PCDHGB7: variants seen among roughly 807,000 people sequenced by gnomAD.
The protein encoded by PCDHGB7 is protocadherin gamma subfamily B, 7, also known as protocadherin gamma-B7.
PCDHGB7 carries 37 observed loss-of-function variants against 61.4 expected under a neutral mutation model. The ratio of observed to expected loss-of-function variants is 0.60; its 90% CI spans 0.46 to 0.79. The LOEUF is 0.79. Ranked by LOEUF, PCDHGB7 falls within the 30% of genes least tolerant of loss-of-function variation. The pLI, the probability that PCDHGB7 is intolerant of heterozygous loss-of-function variation, is 0.00. For synonymous variants in PCDHGB7, 464 were observed against 503.5 expected (o/e 0.92, Z 1.05); for missense variants, 1,166 against 1,202.5 (o/e 0.97, Z 0.45).
chr5:141,449,256 A>C (rs929920180), intron 1 of PCDHGB7, among the ~76,000 whole-genome samples: 5 of 152,176 alleles, frequency 3.3e-5, no homozygotes, highest in Non-Finnish European at 5.9e-5. Context: ...CAAGAATTGT[A>C]CAAAGAACTG....
chr5:141,421,359 C>T, intron 1 of PCDHGB7: 1 of 1,614,012 alleles, frequency 6.2e-7, no homozygotes, highest in Non-Finnish European at 8.5e-7. Context: ...AAAAGGGCTC[C>T]TTCGTGGGCA....
At chr5:141,470,649 C>T (rs1486535307) in intron 1 of PCDHGB7, among the ~76,000 whole-genome samples, 1 of 152,160 alleles carries the variant, frequency 6.6e-6, no homozygotes, top group African/African-American at 2.4e-5. Flanking sequence ...TTGAAGGCCC[C>T]TACCCTTTGG....
chr5:141,492,230 C>T (rs1286145654), intron 1 of PCDHGB7, among the ~76,000 whole-genome samples: 1 of 152,196 alleles, frequency 6.6e-6, no homozygotes. Flanking sequence ...CGTGTCCTCC[C>T]TGCTGGCCAC....
In PCDHGB7 at chr5:141,487,522, T is replaced by C. The variant is rs764726787; in HGVS notation, c.2416-7285T>C. 2 of 1,614,166 alleles carry C rather than the reference T, an allele frequency of 1.2e-6. No individual in the cohort carries two copies. The highest frequency in any genetic ancestry group is 1.7e-6 in the Non-Finnish European group (2 of 1,180,022). ...TGGCTTCTGCACCCACTCGGAGTGATAGCTTCATGATGGTGAAGTCACCCA... is the reference window on the plus strand; with the variant it reads ...TGGCTTCTGCACCCACTCGGAGTGACAGCTTCATGATGGTGAAGTCACCCA... On this transcript the variant is annotated intron_variant, in intron 1 of 3. Coordinates refer to ENST00000398594, the MANE Select transcript of PCDHGB7 (RefSeq NM_018927.4). This position sits in a 1 kb window ranked among gnomAD's most constrained non-coding sequence, Gnocchi z 5.0.
At position 141,486,426 on chromosome 5, in the gene PCDHGB7, A is replaced by T; in HGVS notation, c.2416-8381A>T. 6.2e-7 allele frequency: 1 copy of T among 1,614,190 alleles called. No homozygotes were observed. The highest frequency in any genetic ancestry group is 8.5e-7 in the Non-Finnish European group (1 of 1,180,026). ...GCTGGACCCTTGGATCGAGAGGCCA[A>T]ATCTAGCTATGACATCATGGTCACT... On this transcript the variant is annotated intron_variant, in intron 1 of 3. Coordinates refer to ENST00000398594, the MANE Select transcript of PCDHGB7 (RefSeq NM_018927.4). This position sits in a 1 kb window ranked among gnomAD's most constrained non-coding sequence, Gnocchi z 5.0.
At chr5:141,430,873 G>T in intron 1 of PCDHGB7, 5 of 1,598,960 alleles carry the variant, frequency 3.1e-6, no homozygotes, top group Non-Finnish European at 4.3e-6. Flanking sequence ...TTCCGGAAGA[G>T]CTGGAGAAAG....
chr5:141,490,346 T>A lies in PCDHGB7; in HGVS notation c.2416-4461T>A. On this transcript the variant is annotated intron_variant, in intron 1 of 3. Coordinates refer to ENST00000398594, the MANE Select transcript of PCDHGB7 (RefSeq NM_018927.4). This position sits in a 1 kb window ranked among gnomAD's most constrained non-coding sequence, Gnocchi z 5.4. ...GAGAGCACACCAGTGGGCACAGTAG[T>A]GGGGTTGTTTAATGTGCGAGACCGG... The A allele has an allele frequency of 6.2e-7, 1 of 1,614,164 alleles. No individual in the cohort carries two copies. The highest frequency in any genetic ancestry group is 8.5e-7 in the Non-Finnish European group (1 of 1,180,020).
Position 141,433,012 on chromosome 5 carries a change from G to C in PCDHGB7, c.2415+12738G>C. 1 of 1,614,172 alleles carries C rather than the reference G, an allele frequency of 6.2e-7. No homozygotes were observed. Among genetic ancestry groups the C allele is most frequent in the South Asian group, 1.1e-5 (1 of 91,080 alleles). The stretch of plus-strand genomic sequence containing the variant: ...TGGACGGGGTGCAGGCTTTCCTGCA[G>C]ACCTATTCCCACGAGGTTTCCCTCA... On this transcript the variant is annotated intron_variant, in intron 1 of 3. Coordinates refer to ENST00000398594, the MANE Select transcript of PCDHGB7 (RefSeq NM_018927.4).
chr5:141,490,412 C>T lies in PCDHGB7; in HGVS notation c.2416-4395C>T, dbSNP rs2233605. 10 of 1,614,062 alleles carry T rather than the reference C, an allele frequency of 6.2e-6. No homozygotes were observed. The highest frequency in any genetic ancestry group is 4.0e-5 in the African/African-American group (3 of 74,910). Reference sequence around the variant, plus strand: ...GGTGAAGTGAGCCTTGATATCTCTCCGGACCTGCCATTTCAGATTAAGCCT... The same window carrying T: ...GGTGAAGTGAGCCTTGATATCTCTCTGGACCTGCCATTTCAGATTAAGCCT... On this transcript the variant is annotated intron_variant, in intron 1 of 3. Transcript: ENST00000398594. This position sits in a 1 kb window ranked among gnomAD's most constrained non-coding sequence, Gnocchi z 5.4.
rs575250872 is a variant in PCDHGB7, at chr5:141,490,163, T to C, written c.2416-4644T>C. ...GGGGCAATCCATGTGTTGGGTCCCA[T>C]AGACTTTGAGGAGTCACGTTTCTAT... On this transcript the variant is annotated intron_variant, in intron 1 of 3. Transcript: ENST00000398594. This position sits in a 1 kb window ranked among gnomAD's most constrained non-coding sequence, Gnocchi z 5.4. 2 of 1,614,234 alleles carry C rather than the reference T, an allele frequency of 1.2e-6. No homozygotes were observed. The highest frequency in any genetic ancestry group is 2.2e-5 in the East Asian group (1 of 44,886).
intron 1 of PCDHGB7, chr5:141,421,903 G>A (rs757656265): frequency 6.2e-6 from 10 of 1,613,704 alleles, no homozygotes; most frequent in African/African-American, 1.3e-5. Flanking sequence ...CCGAAAGGGC[G>A]CAGTTCCCAT....
chr5:141,439,428 C>T (rs1191911600), intron 1 of PCDHGB7, among the ~76,000 whole-genome samples: 1 of 152,170 alleles, frequency 6.6e-6, no homozygotes, highest in Non-Finnish European at 1.5e-5. Flanking sequence ...TATAAATTCC[C>T]AGGAATATTT....
rs773624580 is a variant in PCDHGB7 at position 141,489,715 on chromosome 5, G to A, written c.2416-5092G>A. On this transcript the variant is annotated intron_variant, in intron 1 of 3. Transcript: ENST00000398594. The surrounding 1 kb of genome is among the most constrained non-coding windows in gnomAD (Gnocchi z 4.5). ...ACGATTCCCACTGGACAGTGCCCAG[G>A]ATCCGGATGTGGGCACCAATACTGT... The A allele has an allele frequency of 6.2e-6, 10 of 1,614,004 alleles. No homozygotes were observed. The highest frequency in any genetic ancestry group is 2.2e-5 in the East Asian group (1 of 44,886).
chr5:141,418,301 C>T lies in PCDHGB7; in HGVS notation c.442C>T (p.Leu148=). 1 of 1,613,980 alleles carries T rather than the reference C, an allele frequency of 6.2e-7. No homozygotes were observed. The highest frequency in any genetic ancestry group is 1.1e-5 in the South Asian group (1 of 91,084). The change falls in exon 1 of 4, where the codon CTG becomes TTG. Residue 148 remains leucine (L), a synonymous_variant. Coordinates refer to ENST00000398594, the MANE Select transcript of PCDHGB7 (RefSeq NM_018927.4). The part of the protein sequence containing the change: ...INLEISESVS[L]GMGTILESAE... ...CTTAGAAATCAGTGAATCCGTCAGC[C>T]TGGGGATGGGAACAATTCTTGAGTC...
chr5:141,509,873 G>C (rs2099878704), intron 3 of PCDHGB7, among the ~76,000 whole-genome samples: 1 of 152,196 alleles, frequency 6.6e-6, no homozygotes, highest in South Asian at 2.1e-4. Flanking sequence ...CAAGCTGCTG[G>C]TGGTGATGGT....
chr5:141,484,333 A>T (rs1019527273), intron 1 of PCDHGB7, among the ~76,000 whole-genome samples: 2 of 152,198 alleles, frequency 1.3e-5, no homozygotes, highest in Non-Finnish European at 2.9e-5. Flanking sequence ...CCTTGAAATC[A>T]ATGAATGGTA....
intron 1 of PCDHGB7, among the ~76,000 whole-genome samples, chr5:141,492,530 C>A (rs1595123138): frequency 1.3e-5 from 2 of 152,246 alleles, no homozygotes; most frequent in South Asian, 2.1e-4. Flanking sequence ...CCCACCTGCG[C>A]CCCGGGCTGG....
Position 141,489,424 on chromosome 5 carries a change from C to T in PCDHGB7, c.2416-5383C>T, listed in dbSNP as rs758049228. The T allele has an allele frequency of 5.0e-5, 80 of 1,613,958 alleles. No homozygotes were observed. In the Admixed American group the frequency reaches 1.1e-3, roughly 23 times the overall value. On this transcript the variant is annotated intron_variant, in intron 1 of 3. Coordinates refer to ENST00000398594, the MANE Select transcript of PCDHGB7 (RefSeq NM_018927.4). The surrounding 1 kb of genome is among the most constrained non-coding windows in gnomAD (Gnocchi z 4.5). ...CTTAAAGATGACAGATCTGTTGAGC[C>T]GGCGGCTGCAATTGGGCTCTGAGGA...
In PCDHGB7 at chr5:141,430,950, T is replaced by A. The variant is rs756423770; in HGVS notation, c.2415+10676T>A. 7 of 1,609,862 alleles carry A rather than the reference T, an allele frequency of 4.3e-6. No individual in the cohort carries two copies. Among genetic ancestry groups the A allele is most frequent in the Non-Finnish European group, 5.1e-6 (6 of 1,178,368 alleles). On this transcript the variant is annotated intron_variant, in intron 1 of 3. Transcript: ENST00000398594. ...CCCCGGGAGCTCGCGGAGCGCGGAG[T>A]CCGCATCATCCCCAGAGGTAGGACG... is the stretch of plus-strand genomic sequence containing the variant.
Sources: allele counts gnomAD v4.1 joint callset (sites outside exome capture counted in the v4.1 genomes callset), GRCh38; gene constraint gnomAD v4.1.1; non-coding constraint Gnocchi (gnomAD v3.1); transcripts MANE v1.5; gene names NCBI Gene and HGNC (gene_info 2026-07-23, HGNC 2026-07-21).